Variants in WIF1 observed in about 807,000 individuals in gnomAD.
The protein encoded by WIF1 is Wnt inhibitory factor 1.
WIF1 carries 35 observed loss-of-function variants against 53.5 expected under a neutral mutation model. That is an observed-to-expected ratio of 0.65 (90% CI 0.50 to 0.87). The LOEUF is 0.87. Ranked by LOEUF, WIF1 falls within the 40% of genes least tolerant of loss-of-function variation. The pLI, the probability that WIF1 is intolerant of heterozygous loss-of-function variation, is 0.00. For missense variants in WIF1, 467 were observed against 476.8 expected (o/e 0.98, Z 0.19); for synonymous variants, 171 against 170.4 (o/e 1.00, Z -0.03).
At chr12:65,091,786 A>G (rs572223250) in intron 2 of WIF1, among the ~76,000 whole-genome samples, 3 of 152,188 alleles carry the variant, frequency 2.0e-5, no homozygotes, top group Non-Finnish European at 4.4e-5. Context: ...CAGAAGAGCA[A>G]ATCATTATAT....
chr12:65,064,588 A>AT (rs879907067), intron 6 of WIF1, among the ~76,000 whole-genome samples: 21 of 148,446 alleles, frequency 1.4e-4, no homozygotes, highest in East Asian at 3.9e-4. Flanking sequence ...TGAGGTAGAA[A>AT]TTTTTTTTTT....
At chr12:65,089,954 T>C (rs909823552) in intron 2 of WIF1, among the ~76,000 whole-genome samples, 8 of 152,130 alleles carry the variant, frequency 5.3e-5, no homozygotes, top group Non-Finnish European at 8.8e-5. Context: ...TTTTTGTGGC[T>C]GAAAAACTGT....
Position 65,051,412 on chromosome 12 carries a change from G to A in WIF1, c.1077C>T (p.His359=), listed in dbSNP as rs201261424. 1 of 1,613,826 alleles carries A rather than the reference G, an allele frequency of 6.2e-7. No individual in the cohort carries two copies. Among genetic ancestry groups the A allele is most frequent in the East Asian group, 2.2e-5 (1 of 44,862 alleles). The change falls in exon 10 of 10, where the codon CAC becomes CAT. Residue 359 remains histidine, a synonymous_variant. Transcript: ENST00000286574. ...CCTCGGCCTTTTTAAGTGAAGGCGT[G>A]TGCTGCCTGAGCTGGGCGCCTGCTG... is the stretch of plus-strand genomic sequence containing the variant. ...LRPAGAQLRQ[H]TPSLKKAEER... is the part of the protein sequence containing the mutation.
intron 6 of WIF1, among the ~76,000 whole-genome samples, chr12:65,065,689 T>C (rs571106687): frequency 1.3e-5 from 2 of 152,326 alleles, no homozygotes; most frequent in Admixed American, 6.5e-5. Context: ...TTAACTCATA[T>C]GTTTATTGAC....
At chr12:65,083,783 T>TTTCCC (rs1565754613) in intron 2 of WIF1, 1 of 276,702 alleles carries the variant, frequency 3.6e-6, no homozygotes, top group East Asian at 1.4e-4. Context: ...TCCCTTTCCC[T>TTTCCC]TTCCTTTCCT....
chr12:65,056,087 A>G lies in WIF1; in HGVS notation c.866T>C (p.Ile289Thr), dbSNP rs754385403. ...GGAACACTTACATTTGCTTTTACCA[A>G]TGCATTTACCTCCATTTCGACAGGG... is the stretch of plus-strand genomic sequence containing the variant. ...PQPCRNGGKC[I>T]GKSKCKCSKG... is the part of the protein sequence containing the mutation. The change falls in exon 8 of 10, where the codon ATT (isoleucine) becomes ACT (threonine). Residue 289 changes from isoleucine to threonine, a missense_variant. Ile to Thr is a moderately conservative substitution (Grantham distance 89). Transcript: ENST00000286574. 1.9e-6 allele frequency: 3 copies of G among 1,614,102 alleles called. No individual in the cohort carries two copies.
At chr12:65,081,880 A>G (rs1231010342) in intron 2 of WIF1, among the ~76,000 whole-genome samples, 2 of 152,084 alleles carry the variant, frequency 1.3e-5, no homozygotes, top group Non-Finnish European at 2.9e-5. Flanking sequence ...AAAAGAAAAA[A>G]GAAAAATTTT....
intron 9 of WIF1, among the ~76,000 whole-genome samples, chr12:65,053,514 A>G (rs951114810): frequency 3.9e-5 from 6 of 152,240 alleles, no homozygotes; most frequent in Non-Finnish European, 5.9e-5. Flanking sequence ...TTCTATGGTC[A>G]TTCTCTCTCC....
chr12:65,071,231 C>CAAAAAAAAAAAAAAA (rs67928556), intron 3 of WIF1, among the ~76,000 whole-genome samples: 3 of 71,180 alleles, frequency 4.2e-5, no homozygotes, highest in Admixed American at 1.7e-4. Flanking sequence ...AAGACTCCAT[C>CAAAAAAAAAAAAAAA]AAAAAAAAAA....
In WIF1 at chr12:65,121,065, G is replaced by A; in HGVS notation, c.127C>T (p.His43Tyr). ...EESLYLWIDA[H>Y]QARVLIGFEE... ...TTACCTATGAGTACTCTTGCCTGGT[G>A]AGCATCGATCCATAGGTACAGGCTC... is the stretch of plus-strand genomic sequence containing the variant. The change falls in exon 1 of 10, where the codon CAC becomes TAC. Residue 43 changes from histidine to tyrosine, a missense_variant. Transcript: ENST00000286574. 6.5e-7 allele frequency: 1 copy of A among 1,538,224 alleles called. No individual in the cohort carries two copies. Among genetic ancestry groups the A allele is most frequent in the Non-Finnish European group, 8.8e-7 (1 of 1,139,614 alleles).
rs1485356632 is a variant in WIF1 at position 65,103,058 on chromosome 12, T to C, written c.288+17359A>G. On this transcript the variant is annotated intron_variant, in intron 2 of 9. Transcript: ENST00000286574. Reference sequence around the variant, plus strand: ...ATGTTTCCTTATAATTCAAATAGCATTTATCGACTGGGCCCTTATATATTT... The same window carrying C: ...ATGTTTCCTTATAATTCAAATAGCACTTATCGACTGGGCCCTTATATATTT... Among the ~76,000 whole-genome samples the C allele has an allele frequency of 5.3e-5, 8 of 152,312 alleles. No individual in the cohort carries two copies. In the South Asian group the frequency reaches 1.7e-3, roughly 32 times the overall value.
chr12:65,060,564 C>T (rs945720023), intron 7 of WIF1, among the ~76,000 whole-genome samples: 2 of 152,120 alleles, frequency 1.3e-5, no homozygotes, highest in Admixed American at 6.6e-5. Flanking sequence ...GGGGAGGTGA[C>T]TGCTAATAGG....
intron 3 of WIF1, among the ~76,000 whole-genome samples, chr12:65,075,006 C>T (rs1316509900): frequency 2.0e-5 from 3 of 152,036 alleles, no homozygotes; most frequent in African/African-American, 7.3e-5. Flanking sequence ...GTATCCACAT[C>T]TCTAGAATAG....
intron 6 of WIF1, among the ~76,000 whole-genome samples, chr12:65,063,088 T>C (rs1300119236): frequency 6.6e-6 from 1 of 152,110 alleles, no homozygotes; most frequent in African/African-American, 2.4e-5. Flanking sequence ...AAATATACTT[T>C]TATGACTTTC....
At chr12:65,065,603 C>G (rs979015848) in intron 6 of WIF1, among the ~76,000 whole-genome samples, 1 of 152,060 alleles carries the variant, frequency 6.6e-6, no homozygotes, top group African/African-American at 2.4e-5. Flanking sequence ...AAAAACTGCT[C>G]ATGGCAATCT....
intron 2 of WIF1, among the ~76,000 whole-genome samples, chr12:65,088,355 A>G (rs1428100111): frequency 1.3e-5 from 2 of 152,114 alleles, no homozygotes; most frequent in Non-Finnish European, 2.9e-5. Context: ...TCTATCTACA[A>G]ATAGTCTAAT....
intron 2 of WIF1, among the ~76,000 whole-genome samples, chr12:65,117,245 A>C (rs1451992708): frequency 6.6e-6 from 1 of 152,184 alleles, no homozygotes; most frequent in East Asian, 1.9e-4. Flanking sequence ...GTCCAGTCAA[A>C]AAGTCTATAC....
intron 8 of WIF1, 112 bp downstream of exon 8, chr12:65,055,919 G>T (rs1243474997): frequency 5.5e-6 from 5 of 902,480 alleles, no homozygotes; most frequent in Non-Finnish European, 6.7e-6. Flanking sequence ...GTGAAGAAAG[G>T]TTAACTGTGA....
At chr12:65,082,855 A>G (rs749875864) in intron 2 of WIF1, among the ~76,000 whole-genome samples, 1 of 152,198 alleles carries the variant, frequency 6.6e-6, no homozygotes, top group Non-Finnish European at 1.5e-5. Flanking sequence ...AAGCACAATA[A>G]TTGTAGGAGC....
Sources: gnomAD v4.1 joint callset for allele counts (sites outside exome capture counted in the v4.1 genomes callset) on GRCh38, gnomAD v4.1.1 for gene constraint, MANE v1.5 for transcripts, NCBI Gene and HGNC (gene_info 2026-07-23, HGNC 2026-07-21) for gene names.